Variants in RCSD1 observed in about 807,000 individuals in gnomAD.
RCSD1 encodes capZ-interacting protein.
Under a neutral mutation model 42.5 loss-of-function variants are expected in RCSD1, and 26 were observed. That is an observed-to-expected ratio of 0.61 (90% confidence interval 0.45 to 0.85). The LOEUF is 0.85. Among genes scored for constraint, RCSD1 ranks in the 40% least tolerant of loss-of-function variants. RCSD1 has a pLI of 0.00. For synonymous variants in RCSD1, 220 were observed against 212.2 expected (o/e 1.04, Z -0.32); for missense variants, 571 against 528.3 (o/e 1.08, Z -0.79).
intron 3 of RCSD1, among the ~76,000 whole-genome samples, chr1:167,689,405 C>A (rs1333529622): frequency 2.0e-5 from 3 of 151,162 alleles, no homozygotes; most frequent in African/African-American, 7.3e-5. Flanking sequence ...TTGCTTGAAC[C>A]CAGGAGGCGA....
At chr1:167,659,977 G>T (rs1327001750) in intron 1 of RCSD1, among the ~76,000 whole-genome samples, 2 of 152,248 alleles carry the variant, frequency 1.3e-5, no homozygotes, top group African/African-American at 4.8e-5. Flanking sequence ...GGCTGCCCAC[G>T]TGCCTCTTTT....
At chr1:167,663,143 G>A (rs1044282533) in intron 1 of RCSD1, among the ~76,000 whole-genome samples, 1 of 152,152 alleles carries the variant, frequency 6.6e-6, no homozygotes, top group Admixed American at 6.5e-5. Context: ...TTCTAACTTT[G>A]CAGGACAGGG....
chr1:167,684,101 T>C, intron 2 of RCSD1, 100 bp downstream of exon 2: 1 of 936,178 alleles, frequency 1.1e-6, no homozygotes, highest in East Asian at 2.4e-5. Flanking sequence ...GCTTGGTAGT[T>C]ACCAAATTAG....
intron 5 of RCSD1, among the ~76,000 whole-genome samples, chr1:167,694,634 A>G (rs956550691): frequency 6.6e-6 from 1 of 152,168 alleles, no homozygotes; most frequent in Admixed American, 6.5e-5. Context: ...CATTAATGTC[A>G]AAAGCTGAAC....
chr1:167,689,213 C>A (rs1355446158), intron 3 of RCSD1, among the ~76,000 whole-genome samples: 1 of 152,014 alleles, frequency 6.6e-6, no homozygotes, highest in African/African-American at 2.4e-5. Context: ...TCAGGCTGGG[C>A]GTGGTGGCTC....
Position 167,707,333 on chromosome 1 carries a change from A to T in RCSD1, c.*2637A>T, listed in dbSNP as rs937005523. ...TGCGTGAAAAGGCAACCAGTTCATCATCTTATGATTAGGTTTTCTTGATTA... is the reference window on the plus strand; with the variant it reads ...TGCGTGAAAAGGCAACCAGTTCATCTTCTTATGATTAGGTTTTCTTGATTA... On this transcript the variant is annotated 3_prime_UTR_variant, in exon 7 of 7. Transcript: ENST00000367854. 6.6e-6 allele frequency among the ~76,000 whole-genome samples: 1 copy of T among 152,260 alleles called. No individual in the cohort carries two copies. The highest frequency in any genetic ancestry group is 1.5e-5 in the Non-Finnish European group (1 of 68,046).
chr1:167,704,390 G>C (rs1659710191), intron 6 of RCSD1, among the ~76,000 whole-genome samples: 1 of 152,146 alleles, frequency 6.6e-6, no homozygotes, highest in African/African-American at 2.4e-5. Flanking sequence ...CTTACTAGCT[G>C]TGTGACCTAG....
chr1:167,652,312 A>G (rs1294520134), intron 1 of RCSD1, among the ~76,000 whole-genome samples: 2 of 152,064 alleles, frequency 1.3e-5, no homozygotes, highest in Admixed American at 1.3e-4. Context: ...GTGAGCCACC[A>G]CGCTTGGCCT....
chr1:167,658,125 G>A (rs1362806023), intron 1 of RCSD1, among the ~76,000 whole-genome samples: 1 of 152,084 alleles, frequency 6.6e-6, no homozygotes, highest in Non-Finnish European at 1.5e-5. Context: ...GATGGTATGA[G>A]ACACACTGGG....
Position 167,631,336 on chromosome 1 carries a change from A to T in RCSD1, c.6+907A>T, listed in dbSNP as rs184318586. 6.8e-3 allele frequency among the ~76,000 whole-genome samples: 1,036 copies of T among 152,334 alleles called. 7 individuals are homozygous for T. Among genetic ancestry groups the T allele is most frequent in the Non-Finnish European group, 0.011 (722 of 68,038 alleles). ...GGACCTGGGGCTTTTGAGAAGATGC[A>T]AATGTTATATAGTTTTAAAGGTGAT... is the stretch of plus-strand genomic sequence containing the variant. On this transcript the variant is annotated intron_variant, in intron 1 of 6. Transcript: ENST00000367854.
chr1:167,651,495 G>A (rs751185341), intron 1 of RCSD1, among the ~76,000 whole-genome samples: 6 of 152,206 alleles, frequency 3.9e-5, no homozygotes, highest in Non-Finnish European at 8.8e-5. Flanking sequence ...CTCGCACGCC[G>A]ACCTGGGCCC....
At position 167,685,479 on chromosome 1, in the gene RCSD1, C is replaced by G. The variant is rs145561033; in HGVS notation, c.167C>G (p.Pro56Arg). Reference sequence around the variant, plus strand: ...CCCTGTTCCCTCCCCCTGTTCCCCCCCAAGGTAGACCTGGGCCAGAATGGT... The same window carrying G: ...CCCTGTTCCCTCCCCCTGTTCCCCCGCAAGGTAGACCTGGGCCAGAATGGT... ...KPPCSLPLFP[P>R]KVDLGQNGEE... Residue 56 changes from proline (P) to arginine (R), a missense_variant, in exon 3 of 7, where the codon CCC becomes CGC. Transcript: ENST00000367854. 1.8e-4 allele frequency: 284 copies of G among 1,613,966 alleles called. No homozygotes were observed. Among genetic ancestry groups the G allele is most frequent in the African/African-American group, 4.7e-4 (35 of 75,018 alleles).
At chr1:167,631,164 C>T (rs1235653321) in intron 1 of RCSD1, among the ~76,000 whole-genome samples, 5 of 152,200 alleles carry the variant, frequency 3.3e-5, no homozygotes, top group Non-Finnish European at 1.5e-5. Flanking sequence ...AGAGGAGGTC[C>T]GGGGACTTTC....
intron 1 of RCSD1, among the ~76,000 whole-genome samples, chr1:167,674,164 GC>G (rs1658882497): frequency 6.6e-6 from 1 of 152,226 alleles, no homozygotes; most frequent in Non-Finnish European, 1.5e-5. Context: ...TAAGTGAACA[GC>G]CATGGACTGA....
At chr1:167,680,496 G>T (rs1031091908) in intron 1 of RCSD1, among the ~76,000 whole-genome samples, 2 of 139,050 alleles carry the variant, frequency 1.4e-5, no homozygotes, top group Admixed American at 7.4e-5. Flanking sequence ...GTTTTTTTCA[G>T]GCAGAGTCTC....
In RCSD1 at chr1:167,705,494, C is replaced by T. The variant is rs1029644242; in HGVS notation, c.*798C>T. On this transcript the variant is annotated 3_prime_UTR_variant, in exon 7 of 7. Transcript: ENST00000367854. ...CAGAATGGCAGGAGGTTTCATGTCC[C>T]GCGTTGCATCTCCTCCTGAAAGAAA... 2 of 152,102 alleles carry T rather than the reference C, an allele frequency of 1.3e-5. No homozygotes were observed. The highest frequency in any genetic ancestry group is 2.9e-5 in the Non-Finnish European group (2 of 68,024). 9.4% of individuals were successfully genotyped at this position (152,102 alleles called of 1,614,324 possible). A position where few individuals can be genotyped will look rare whatever the true frequency, so the allele number is the denominator to read the frequency against.
intron 1 of RCSD1, among the ~76,000 whole-genome samples, chr1:167,635,194 C>T (rs1329832679): frequency 1.3e-5 from 2 of 152,134 alleles, no homozygotes; most frequent in Admixed American, 6.5e-5. Context: ...CACCCACCCT[C>T]TCACTGAGCC....
chr1:167,667,677 C>A (rs1447607059), intron 1 of RCSD1, among the ~76,000 whole-genome samples: 1 of 152,080 alleles, frequency 6.6e-6, no homozygotes, highest in African/African-American at 2.4e-5. Context: ...CATTCTTTGC[C>A]CTTTGGTTAC....
chr1:167,701,252 G>GTTTGTTTCTTTCTTTCTTTCTTTC (rs1276194168), intron 6 of RCSD1, among the ~76,000 whole-genome samples: 6 of 96,136 alleles, frequency 6.2e-5, no homozygotes, highest in Non-Finnish European at 8.9e-5. Context: ...CAATTGCCTA[G>GTTTGTTTCTTTCTTTCTTTCTTTC]TTTCTTTCTT....
Sources: gnomAD v4.1 joint callset for allele counts (sites outside exome capture counted in the v4.1 genomes callset) on GRCh38, gnomAD v4.1.1 for gene constraint, MANE v1.5 for transcripts, NCBI Gene and HGNC (gene_info 2026-07-23, HGNC 2026-07-21) for gene names.